Variants in TENT2 observed in about 807,000 individuals in gnomAD.
TENT2 encodes the protein poly(A) RNA polymerase GLD2.
Under a neutral mutation model 72.2 loss-of-function variants are expected in TENT2, and 44 were observed. The observed-to-expected ratio is 0.61, with a 90% CI of 0.48 to 0.78. The LOEUF is 0.78. TENT2 is among the 30% of genes least tolerant of loss of function. The pLI is 0.00. For synonymous variants in TENT2, 212 were observed against 192.5 expected, an observed-to-expected ratio of 1.10 and a Z score of -0.84; for missense variants, 541 against 569.6, an observed-to-expected ratio of 0.95 and a Z score of 0.51.
intron 3 of TENT2, among the ~76,000 whole-genome samples, chr5:79,620,408 A>T (rs538420204): frequency 8.2e-4 from 125 of 152,304 alleles, no homozygotes; most frequent in African/African-American, 2.8e-3. Flanking sequence ...TAACTAAATG[A>T]GATGGCCTGT....
chr5:79,683,280 A>G (rs1343107945), intron 14 of TENT2, among the ~76,000 whole-genome samples: 2 of 151,736 alleles, frequency 1.3e-5, no homozygotes, highest in East Asian at 3.9e-4. Flanking sequence ...GCATAGCAAG[A>G]CATAGTTCAC....
intron 11 of TENT2, among the ~76,000 whole-genome samples, chr5:79,660,391 C>T (rs1232321712): frequency 2.6e-5 from 4 of 152,100 alleles, no homozygotes; most frequent in African/African-American, 7.2e-5. Context: ...TGAGGGTTAA[C>T]TTAAATTTAT....
intron 4 of TENT2, among the ~76,000 whole-genome samples, chr5:79,637,632 A>T (rs925245498): frequency 4.0e-5 from 6 of 151,860 alleles, no homozygotes; most frequent in Admixed American, 3.3e-4. Context: ...TTGCCATGTT[A>T]CCAAGGCTTG....
chr5:79,623,500 T>C lies in TENT2; in HGVS notation c.465+11T>C, dbSNP rs954017823. On this transcript the variant is annotated intron_variant, in intron 4 of 14. Transcript: ENST00000453514. ...GAGGCCAAAGATAAGGTAATAATAATGTAGATTTTAGTTTTGCCTTTTGGG... is the reference window on the plus strand; with the variant it reads ...GAGGCCAAAGATAAGGTAATAATAACGTAGATTTTAGTTTTGCCTTTTGGG... The C allele has an allele frequency of 6.5e-7, 1 of 1,539,594 alleles. No individual in the cohort carries two copies. The highest frequency in any genetic ancestry group is 8.8e-7 in the Non-Finnish European group (1 of 1,135,008).
At chr5:79,667,949 G>GA (rs756337563) in intron 11 of TENT2, among the ~76,000 whole-genome samples, 1,537 of 137,520 alleles carry the variant, frequency 0.011, 32 homozygotes, top group African/African-American at 0.037. Flanking sequence ...TTTTTTTAAC[G>GA]AAAAAAAAAA....
chr5:79,674,879 A>G (rs1815974264), intron 12 of TENT2, among the ~76,000 whole-genome samples: 1 of 152,204 alleles, frequency 6.6e-6, no homozygotes. Context: ...CAGAGGAGAA[A>G]AAAATGTTTT....
chr5:79,637,229 CAA>C (rs56715544), intron 4 of TENT2, among the ~76,000 whole-genome samples: 30,652 of 148,432 alleles, frequency 0.21, 4,549 homozygotes, highest in African/African-American at 0.42. Context: ...GACCATGTAT[CAA>C]AAAAAAAAAA....
chr5:79,623,316 C>G lies in TENT2; in HGVS notation c.292C>G (p.Gln98Glu). 6.2e-7 allele frequency: 1 copy of G among 1,613,194 alleles called. No homozygotes were observed. Among genetic ancestry groups the G allele is most frequent in the Non-Finnish European group, 8.5e-7 (1 of 1,179,612 alleles). Residue 98 changes from glutamine to glutamate, a missense_variant, in exon 4 of 15, where the codon CAA becomes GAA. Coordinates refer to ENST00000453514, the MANE Select transcript of TENT2 (RefSeq NM_001114394.3). ...ACGGCAACGTTTCCATTCACCCCACCAAGAGCCAACTGTAGTTAACCAGAT... is the reference window on the plus strand; with the variant it reads ...ACGGCAACGTTTCCATTCACCCCACGAAGAGCCAACTGTAGTTAACCAGAT... ...GKRQRFHSPH[Q>E]EPTVVNQIVP...
intron 1 of TENT2, among the ~76,000 whole-genome samples, chr5:79,614,395 G>T (rs1362420948): frequency 1.3e-5 from 2 of 152,148 alleles, no homozygotes; most frequent in Non-Finnish European, 2.9e-5. Context: ...GAGCCACTGT[G>T]CCCGGCCGAA....
chr5:79,685,361 C>A lies in TENT2; in HGVS notation c.*88C>A. ...ATTATGTTTACCTCCATCATAGTTG[C>A]TTTTTTCATAGTTCTTGTTTTCATG... On this transcript the variant is annotated 3_prime_UTR_variant, in exon 15 of 15. Coordinates refer to ENST00000453514, the MANE Select transcript of TENT2 (RefSeq NM_001114394.3). 1.1e-6 allele frequency: 1 copy of A among 905,908 alleles called. No individual in the cohort carries two copies. Among genetic ancestry groups the A allele is most frequent in the South Asian group, 2.0e-5 (1 of 51,208 alleles). 56.1% of individuals were successfully genotyped at this position (905,908 alleles called of 1,614,324 possible).
At chr5:79,620,888 G>A (rs994138877) in intron 3 of TENT2, among the ~76,000 whole-genome samples, 1 of 152,078 alleles carries the variant, frequency 6.6e-6, no homozygotes, top group African/African-American at 2.4e-5. Flanking sequence ...GAAAATTTCT[G>A]TGTGACATAA....
intron 8 of TENT2, among the ~76,000 whole-genome samples, chr5:79,647,885 G>A (rs1050068327): frequency 4.6e-5 from 7 of 152,076 alleles, no homozygotes; most frequent in Non-Finnish European, 7.4e-5. Flanking sequence ...TTATGTGTTT[G>A]AGTAGTATAG....
chr5:79,640,128 T>A (rs1433611211), intron 4 of TENT2, among the ~76,000 whole-genome samples: 1 of 151,984 alleles, frequency 6.6e-6, no homozygotes, highest in Non-Finnish European at 1.5e-5. Context: ...TGGTGGCACA[T>A]GCCTGTATTC....
intron 10 of TENT2, among the ~76,000 whole-genome samples, chr5:79,654,068 A>G (rs1225387219): frequency 6.6e-6 from 1 of 152,368 alleles, no homozygotes; most frequent in Non-Finnish European, 1.5e-5. Context: ...TTGACTACAG[A>G]TACTTGAAAG....
At chr5:79,626,927 C>G (rs914782666) in intron 4 of TENT2, among the ~76,000 whole-genome samples, 1 of 151,666 alleles carries the variant, frequency 6.6e-6, no homozygotes, top group African/African-American at 2.4e-5. Flanking sequence ...GTCAGGAGTT[C>G]GAGACCAGCC....
At chr5:79,648,558 AG>A (rs1461446672) in intron 8 of TENT2, 58 bp from the exon 9 acceptor site, 1 of 1,179,444 alleles carries the variant, frequency 8.5e-7, no homozygotes, top group Non-Finnish European at 1.2e-6. Context: ...GTTATTAGGA[AG>A]GAAGTTTTTT....
chr5:79,616,276 G>A (rs1759963542), intron 1 of TENT2, among the ~76,000 whole-genome samples: 2 of 135,834 alleles, frequency 1.5e-5, no homozygotes, highest in African/African-American at 2.9e-5. Flanking sequence ...TTGGCTCACT[G>A]CAACCTCCGC....
rs572290730 is a variant in TENT2 at position 79,666,049 on chromosome 5, C to T, written c.1072-2843C>T. 1.3e-4 allele frequency among the ~76,000 whole-genome samples: 20 copies of T among 148,298 alleles called. No homozygotes were observed. In the South Asian group the frequency reaches 2.4e-3, roughly 17 times the overall value. ...CCCAGGCTGGGATGGAGTGCAGTGG[C>T]GTGGATTCGGCTTACTGCAACCTCC... On this transcript the variant is annotated intron_variant, in intron 11 of 14. Transcript: ENST00000453514.
chr5:79,671,509 A>G (rs1038665281), intron 12 of TENT2, among the ~76,000 whole-genome samples: 7 of 151,782 alleles, frequency 4.6e-5, no homozygotes, highest in African/African-American at 1.2e-4. Context: ...GGTTCAAGCA[A>G]TTCTCCTGCC....
Sources: gnomAD v4.1 joint callset for allele counts (sites outside exome capture counted in the v4.1 genomes callset) on GRCh38, gnomAD v4.1.1 for gene constraint, MANE v1.5 for transcripts, NCBI Gene and HGNC (gene_info 2026-07-23, HGNC 2026-07-21) for gene names.